ATP9A: variants seen among roughly 807,000 people sequenced by gnomAD.
ATP9A encodes the protein probable phospholipid-transporting ATPase IIA.
Under a neutral mutation model 144.1 loss-of-function variants are expected in ATP9A, and 52 were observed. That is an observed-to-expected ratio of 0.36 (90% CI 0.29 to 0.45). The LOEUF (loss-of-function observed/expected upper bound fraction) is 0.45, where lower values mean the gene tolerates loss of function less well. ATP9A is among the 20% of genes least tolerant of loss of function. The pLI, the probability that ATP9A is intolerant of heterozygous loss-of-function variation, is 1.00. For synonymous variants in ATP9A, 582 were observed against 557.4 expected (o/e 1.04, Z -0.62); for missense variants, 947 against 1,392.7 (o/e 0.68, Z 5.09).
intron 3 of ATP9A, among the ~76,000 whole-genome samples, chr20:51,714,506 C>G (rs1034865800): frequency 1.3e-5 from 2 of 152,168 alleles, no homozygotes; most frequent in Non-Finnish European, 2.9e-5. Context: ...CTCAGCCTCC[C>G]CAGTAGCTGG....
rs1055478397 is a variant in ATP9A, at chr20:51,657,103, C to T, written c.1341G>A (p.Lys447=). The T allele has an allele frequency of 4.3e-6, 7 of 1,614,164 alleles. No homozygotes were observed. The Admixed American group carries it at 8.3e-5, about 19-fold the overall frequency. ...PAQKGPTLTT[K]VRRTMSSRVH... ...CGCGGCTGCTCATGGTCCGCCGGAC[C>T]TTAGTGGTGAGCGTTGGGCCCTTCT... Residue 447 remains lysine (K), a synonymous_variant, in exon 14 of 28, where the codon AAG becomes AAA. Transcript: ENST00000338821.
At chr20:51,671,901 C>A (rs952433381) in intron 11 of ATP9A, among the ~76,000 whole-genome samples, 2 of 152,022 alleles carry the variant, frequency 1.3e-5, no homozygotes, top group Non-Finnish European at 2.9e-5. Context: ...CGGGTTCAAA[C>A]GATTCTCACA....
At chr20:51,682,183 C>A (rs1269659068) in intron 9 of ATP9A, among the ~76,000 whole-genome samples, 1 of 152,026 alleles carries the variant, frequency 6.6e-6, no homozygotes, top group Non-Finnish European at 1.5e-5. Context: ...GTACACTAAA[C>A]CCCCGCAGCA....
At chr20:51,759,569 A>C (rs1401611431) in intron 1 of ATP9A, among the ~76,000 whole-genome samples, 1 of 152,154 alleles carries the variant, frequency 6.6e-6, no homozygotes, top group Admixed American at 6.5e-5. Flanking sequence ...TGTACTCAGG[A>C]GGCTGAGGCA....
chr20:51,758,792 G>T (rs1448349583), intron 1 of ATP9A, among the ~76,000 whole-genome samples: 1 of 152,166 alleles, frequency 6.6e-6, no homozygotes, highest in Non-Finnish European at 1.5e-5. Flanking sequence ...AGCCATGGTG[G>T]CCTGCACCTG....
intron 8 of ATP9A, 116 bp downstream of exon 8, chr20:51,690,623 G>A: frequency 5.8e-6 from 5 of 859,386 alleles, no homozygotes; most frequent in Non-Finnish European, 9.6e-6. Flanking sequence ...CCTTCTTTAT[G>A]TCCCCACCTG....
intron 13 of ATP9A, among the ~76,000 whole-genome samples, chr20:51,666,514 C>G (rs187956898): frequency 4.2e-3 from 641 of 152,066 alleles, no homozygotes; most frequent in Non-Finnish European, 7.1e-3. Context: ...AACCCCGTCT[C>G]TACTAAAAAT....
chr20:51,674,684 G>A (rs1190604668), intron 10 of ATP9A, among the ~76,000 whole-genome samples: 1 of 152,158 alleles, frequency 6.6e-6, no homozygotes, highest in African/African-American at 2.4e-5. Context: ...ACCCTGCAGA[G>A]TGCCCTTGGC....
At chr20:51,609,233 CCT>C (rs2077175940) in intron 24 of ATP9A, among the ~76,000 whole-genome samples, 1 of 152,050 alleles carries the variant, frequency 6.6e-6, no homozygotes, top group South Asian at 2.1e-4. Context: ...TCAGGGAACC[CCT>C]GACTATATTC....
intron 1 of ATP9A, among the ~76,000 whole-genome samples, chr20:51,740,730 G>A (rs997422904): frequency 2.7e-5 from 4 of 149,960 alleles, no homozygotes; most frequent in African/African-American, 4.9e-5. Context: ...CACCACTCCC[G>A]GATAATTTTT....
intron 1 of ATP9A, among the ~76,000 whole-genome samples, chr20:51,762,503 A>G (rs529334288): frequency 6.6e-6 from 1 of 151,688 alleles, no homozygotes; most frequent in South Asian, 2.1e-4. Context: ...CAAAAAAAAA[A>G]AAAAAATTAG....
At chr20:51,604,423 TG>T (rs2077155174) in intron 27 of ATP9A, among the ~76,000 whole-genome samples, 1 of 152,196 alleles carries the variant, frequency 6.6e-6, no homozygotes, top group Admixed American at 6.5e-5. Context: ...GGCAAGGTTC[TG>T]GGGCTCGGCA....
chr20:51,682,017 G>A (rs1325040619), intron 9 of ATP9A, among the ~76,000 whole-genome samples: 2 of 152,054 alleles, frequency 1.3e-5, no homozygotes, highest in Non-Finnish European at 2.9e-5. Context: ...CTTCGGGGGT[G>A]GACGGTGATA....
intron 13 of ATP9A, among the ~76,000 whole-genome samples, chr20:51,662,219 T>C (rs6067880): frequency 0.49 from 74,504 of 151,842 alleles, 18,967 homozygotes; most frequent in East Asian, 0.79. Context: ...TTCAATATAC[T>C]GTTCTTCACG....
intron 14 of ATP9A, among the ~76,000 whole-genome samples, chr20:51,656,234 A>G (rs2059168825): frequency 1.4e-5 from 2 of 145,398 alleles, no homozygotes; most frequent in South Asian, 4.4e-4. Context: ...AAAAAAAAAA[A>G]TCCCAAAATA....
rs1443598568 is a variant in ATP9A, at chr20:51,600,841, CACACAA to C, written c.*364_*369del. On this transcript the variant is annotated 3_prime_UTR_variant, in exon 28 of 28. Coordinates refer to ENST00000338821, the MANE Select transcript of ATP9A (RefSeq NM_006045.3). ...ACACACACACACACACACACACACA[CACACAA>C]GCCTTCTACAACCTTCAGCTACACA... The C allele has an allele frequency of 2.2e-5, 4 of 182,002 alleles. No homozygotes were observed. Among genetic ancestry groups the C allele is most frequent in the Non-Finnish European group, 4.6e-5 (4 of 87,386 alleles). 11.3% of individuals were successfully genotyped at this position (182,002 alleles called of 1,614,324 possible).
At chr20:51,717,438 A>G (rs2077667216) in intron 3 of ATP9A, among the ~76,000 whole-genome samples, 1 of 152,162 alleles carries the variant, frequency 6.6e-6, no homozygotes. Context: ...AAAGAGAGGC[A>G]ACAATACAAG....
intron 15 of ATP9A, among the ~76,000 whole-genome samples, chr20:51,635,935 T>C (rs962839272): frequency 6.6e-6 from 1 of 151,246 alleles, no homozygotes; most frequent in African/African-American, 2.4e-5. Flanking sequence ...GGAAATACAT[T>C]TTCTGGAGTA....
At chr20:51,629,113 C>T (rs752295018) in intron 15 of ATP9A, 41 bp from the exon 16 acceptor site, 11 of 1,515,022 alleles carry the variant, frequency 7.3e-6, no homozygotes, top group Admixed American at 3.4e-5. Flanking sequence ...CTGAAAGGAA[C>T]ACCCTCTTTC....
Sources: allele counts gnomAD v4.1 joint callset (sites outside exome capture counted in the v4.1 genomes callset), GRCh38; gene constraint gnomAD v4.1.1; transcripts MANE v1.5; gene names NCBI Gene and HGNC (gene_info 2026-07-23, HGNC 2026-07-21).